Variants in PIK3C2G observed in about 807,000 individuals in gnomAD.
PIK3C2G encodes the protein phosphatidylinositol 3-kinase C2 domain-containing subunit gamma.
A neutral mutation model predicts 181.1 loss-of-function variants in PIK3C2G; 168 were observed. The ratio of observed to expected loss-of-function variants is 0.93; its 90% CI spans 0.82 to 1.05. The LOEUF is 1.05. Among genes scored for constraint, PIK3C2G ranks in the 50% least tolerant of loss-of-function variants. The pLI is 0.00. For missense variants in PIK3C2G, 1,869 were observed against 1,732.8 expected (o/e 1.08, Z -1.40); for synonymous variants, 573 against 592.2 (o/e 0.97, Z 0.47).
At chr12:18,632,191 A>G (rs187559973) in intron 31 of PIK3C2G, among the ~76,000 whole-genome samples, 14 of 152,300 alleles carry the variant, frequency 9.2e-5, no homozygotes, top group Admixed American at 7.9e-4. Flanking sequence ...CCTGCTCTAC[A>G]TAAATGTCAT....
intron 29 of PIK3C2G, among the ~76,000 whole-genome samples, chr12:18,579,510 C>T (rs1946387212): frequency 6.6e-6 from 1 of 151,974 alleles, no homozygotes; most frequent in Non-Finnish European, 1.5e-5. Flanking sequence ...GGAGGGATGC[C>T]TATAAATCTC....
the PIK3C2G span, among the ~76,000 whole-genome samples, chr12:18,715,471 G>A: frequency 6.6e-6 from 1 of 150,844 alleles, no homozygotes; most frequent in African/African-American, 2.4e-5. Context: ...GCGCGATCTC[G>A]GCTCACTGCA....
chr12:18,463,364 G>A (rs1212515158), intron 18 of PIK3C2G, among the ~76,000 whole-genome samples: 1 of 152,144 alleles, frequency 6.6e-6, no homozygotes, highest in Non-Finnish European at 1.5e-5. Flanking sequence ...GAGTAGCTCA[G>A]CAGCTGAGTA....
intron 16 of PIK3C2G, among the ~76,000 whole-genome samples, chr12:18,416,260 A>G (rs1945171261): frequency 6.6e-6 from 1 of 152,004 alleles, no homozygotes; most frequent in Admixed American, 6.6e-5. Flanking sequence ...GAAAAAGAAA[A>G]GAAAAGAAAA....
intron 11 of PIK3C2G, among the ~76,000 whole-genome samples, chr12:18,357,977 T>G (rs1334441745): frequency 6.6e-6 from 1 of 152,208 alleles, no homozygotes; most frequent in Non-Finnish European, 1.5e-5. Context: ...ATATACCATG[T>G]TTTCTTCATC....
intron 12 of PIK3C2G, among the ~76,000 whole-genome samples, chr12:18,364,679 C>T (rs1250857047): frequency 6.6e-6 from 1 of 152,068 alleles, no homozygotes; most frequent in Non-Finnish European, 1.5e-5. Context: ...AGATGGATCA[C>T]TTGAGGTCAG....
At chr12:18,558,577 G>A (rs1207795853) in intron 26 of PIK3C2G, among the ~76,000 whole-genome samples, 2 of 152,190 alleles carry the variant, frequency 1.3e-5, no homozygotes, top group Non-Finnish European at 2.9e-5. Context: ...TACTGACTTT[G>A]TGTCAGCCAC....
intron 31 of PIK3C2G, among the ~76,000 whole-genome samples, chr12:18,634,278 A>T (rs1010022347): frequency 6.6e-6 from 1 of 152,142 alleles, no homozygotes; most frequent in African/African-American, 2.4e-5. Context: ...ATGATGATAG[A>T]TCCCTTCTAA....
chr12:18,650,900 A>G (rs532708178), downstream of PIK3C2G, among the ~76,000 whole-genome samples: 1 of 151,488 alleles, frequency 6.6e-6, no homozygotes, highest in South Asian at 2.1e-4. Flanking sequence ...GGATTATATA[A>G]TTGCCTTCTG....
chr12:18,695,574 C>G, the PIK3C2G span, among the ~76,000 whole-genome samples: 41 of 151,986 alleles, frequency 2.7e-4, no homozygotes, highest in African/African-American at 9.4e-4. Context: ...GAGAGTACCA[C>G]ACTCCACCCT....
Position 18,323,846 on chromosome 12 carries a change from A to C in PIK3C2G, c.1209-1189A>C, listed in dbSNP as rs150965237. Among the ~76,000 whole-genome samples the C allele has an allele frequency of 2.1e-4, 32 of 152,206 alleles. No homozygotes were observed. In the East Asian group the frequency reaches 6.2e-3, roughly 30 times the overall value. Reference sequence around the variant, plus strand: ...ACTACTTCCCAGTGGTTTTTTCTATAAAATAGATACAATATCCAAAAACAA... The same window carrying C: ...ACTACTTCCCAGTGGTTTTTTCTATCAAATAGATACAATATCCAAAAACAA... On this transcript the variant is annotated intron_variant, in intron 7 of 32. Transcript: ENST00000538779.
chr12:18,292,227 A>AAAT lies in PIK3C2G; in HGVS notation c.919+1216_919+1217insATA. ...CTCCATCTCAAAAAAAAAAAAAAAA[A>AAAT]ATATATATATATATATATATATATA... On this transcript the variant is annotated intron_variant, in intron 4 of 32. Coordinates refer to ENST00000538779, the MANE Select transcript of PIK3C2G (RefSeq NM_001288772.2). Among the ~76,000 whole-genome samples the AAAT allele has an allele frequency of 9.6e-4, 47 of 48,724 alleles. 1 individual carries two copies. Among genetic ancestry groups the AAAT allele is most frequent in the African/African-American group, 4.2e-3 (38 of 9,058 alleles). 32.0% of individuals were successfully genotyped at this position (48,724 alleles called of 152,430 possible). A position where few individuals can be genotyped will look rare whatever the true frequency, so the allele number is the denominator to read the frequency against.
chr12:18,299,866 C>A (rs1326863525), intron 5 of PIK3C2G, among the ~76,000 whole-genome samples: 1 of 151,946 alleles, frequency 6.6e-6, no homozygotes. Flanking sequence ...ACCATCTTTG[C>A]ATCCCTAGGC....
rs114072594 is a variant in PIK3C2G, at chr12:18,386,507, G to A, written c.1996-4615G>A. 3.9e-3 allele frequency among the ~76,000 whole-genome samples: 588 copies of A among 152,140 alleles called. 6 individuals are homozygous for A. The highest frequency in any genetic ancestry group is 0.013 in the African/African-American group (556 of 41,514). ...CTATCTCTGTCAATTTGACTGTTTG[G>A]GGCATTTCATTTAAATGGAATCATA... On this transcript the variant is annotated intron_variant, in intron 14 of 32. Transcript: ENST00000538779.
chr12:18,527,315 C>G (rs1317759651), intron 24 of PIK3C2G, among the ~76,000 whole-genome samples: 1 of 152,110 alleles, frequency 6.6e-6, no homozygotes, highest in Non-Finnish European at 1.5e-5. Flanking sequence ...TATGTAGTAT[C>G]CAACTAAAGA....
intron 5 of PIK3C2G, among the ~76,000 whole-genome samples, chr12:18,303,264 T>C (rs1950282605): frequency 6.7e-6 from 1 of 149,762 alleles, no homozygotes; most frequent in South Asian, 2.1e-4. Context: ...TCTTCCTTCC[T>C]TCCCTCCCTC....
Position 18,282,772 on chromosome 12 carries a change from C to G in PIK3C2G, c.678+13C>G. On this transcript the variant is annotated intron_variant, in intron 2 of 32. Coordinates refer to ENST00000538779, the MANE Select transcript of PIK3C2G (RefSeq NM_001288772.2). Reference sequence around the variant, plus strand: ...GAAGAATATAGAGGTAAGTATAATACATGTCAATGTAAAAATATGAATCTG... The same window carrying G: ...GAAGAATATAGAGGTAAGTATAATAGATGTCAATGTAAAAATATGAATCTG... 1.4e-6 allele frequency: 2 copies of G among 1,472,308 alleles called. No homozygotes were observed. Among genetic ancestry groups the G allele is most frequent in the Non-Finnish European group, 1.8e-6 (2 of 1,085,280 alleles). The allele number at this position is 1,472,308 out of a possible 1,614,324, so 91.2% of individuals were successfully genotyped here.
At chr12:18,553,504 CTT>C (rs1453667331) in intron 26 of PIK3C2G, among the ~76,000 whole-genome samples, 1 of 152,064 alleles carries the variant, frequency 6.6e-6, no homozygotes, top group Non-Finnish European at 1.5e-5. Flanking sequence ...GCCTAAAACT[CTT>C]GTTTGAATGC....
the PIK3C2G span, chr12:18,692,722 A>G: frequency 1.2e-6 from 1 of 840,410 alleles, no homozygotes; most frequent in Non-Finnish European, 1.9e-6. Context: ...AATCATCAAC[A>G]TAAAGAAAAA....
Sources: allele counts gnomAD v4.1 joint callset (sites outside exome capture counted in the v4.1 genomes callset), GRCh38; gene constraint gnomAD v4.1.1; transcripts MANE v1.5; gene names NCBI Gene and HGNC (gene_info 2026-07-23, HGNC 2026-07-21).